TMEM132D: variants seen among roughly 807,000 people sequenced by gnomAD.
The protein encoded by TMEM132D is mature OL transmembrane protein.
TMEM132D carries 21 observed loss-of-function variants against 62.3 expected under a neutral mutation model. The observed-to-expected ratio is 0.34, with a 90% CI of 0.24 to 0.49. The LOEUF is 0.49. Ranked by LOEUF, TMEM132D falls within the 20% of genes least tolerant of loss-of-function variation. The pLI is 0.99. For missense variants in TMEM132D, 1,346 were observed against 1,402.8 expected, an observed-to-expected ratio of 0.96 and a Z score of 0.65; for synonymous variants, 621 against 575.6, an observed-to-expected ratio of 1.08 and a Z score of -1.13.
At chr12:129,663,068 T>G (rs1057241029) in intron 2 of TMEM132D, among the ~76,000 whole-genome samples, 2 of 152,018 alleles carry the variant, frequency 1.3e-5, no homozygotes, top group African/African-American at 2.4e-5. Context: ...TCTTTATACC[T>G]AGTCAATAGG....
intron 1 of TMEM132D, among the ~76,000 whole-genome samples, chr12:129,874,700 CTTTTTT>C (rs71085583): frequency 2.5e-5 from 3 of 117,908 alleles, no homozygotes; most frequent in East Asian, 5.1e-4. Flanking sequence ...TCACATTTTT[CTTTTTT>C]TTTTTTTTTT....
chr12:129,871,455 C>A (rs1874239716), intron 1 of TMEM132D, among the ~76,000 whole-genome samples: 2 of 152,006 alleles, frequency 1.3e-5, no homozygotes, highest in African/African-American at 4.8e-5. Context: ...GTACCTCAGC[C>A]TTGTAGTTAA....
chr12:129,256,377 G>A lies in TMEM132D; in HGVS notation c.1300-46714C>T, dbSNP rs77784226. The stretch of plus-strand genomic sequence containing the variant: ...GTTGTGTTGTCTAGGTAAGGTTGCC[G>A]TGTGACATAGCTGTAGCTAATTCTG... On this transcript the variant is annotated intron_variant, in intron 4 of 8. Coordinates refer to ENST00000422113, the MANE Select transcript of TMEM132D (RefSeq NM_133448.3). Among the ~76,000 whole-genome samples, 1,489 of 152,190 alleles carry A rather than the reference G, an allele frequency of 9.8e-3. 20 individuals carry two copies. Among genetic ancestry groups the A allele is most frequent in the African/African-American group, 0.034 (1,411 of 41,516 alleles).
chr12:129,219,514 C>T (rs1879297329), intron 4 of TMEM132D, among the ~76,000 whole-genome samples: 1 of 152,176 alleles, frequency 6.6e-6, no homozygotes, highest in African/African-American at 2.4e-5. Flanking sequence ...TATAAGGGCA[C>T]CGGAGACAGC....
chr12:129,107,279 TC>T (rs1330160416), intron 5 of TMEM132D, among the ~76,000 whole-genome samples: 1 of 152,146 alleles, frequency 6.6e-6, no homozygotes, highest in African/African-American at 2.4e-5. Context: ...GTTTTAAAGC[TC>T]CCCTTTTAGA....
Position 129,371,253 on chromosome 12 carries a change from GTGA to G in TMEM132D, c.1116-33439_1116-33437del, listed in dbSNP as rs978614919. Among the ~76,000 whole-genome samples the G allele has an allele frequency of 1.2e-4, 18 of 152,042 alleles. No homozygotes were observed. The highest frequency in any genetic ancestry group is 3.3e-4 in the Admixed American group (5 of 15,264). On this transcript the variant is annotated intron_variant, in intron 3 of 8. Coordinates refer to ENST00000422113, the MANE Select transcript of TMEM132D (RefSeq NM_133448.3). This position sits in a 1 kb window ranked among gnomAD's most constrained non-coding sequence, Gnocchi z 4.3. The stretch of plus-strand genomic sequence containing the variant: ...TGTTACTGTGGTGATGATGGTGGCA[GTGA>G]TGATGATGATGAAGGTGGTGTTGGT...
chr12:129,739,708 C>G (rs1035222126), intron 1 of TMEM132D, among the ~76,000 whole-genome samples: 13 of 152,254 alleles, frequency 8.5e-5, no homozygotes, highest in African/African-American at 2.4e-4. Context: ...CCATGGACTG[C>G]ACCAACTGGG....
At chr12:129,284,476 C>T (rs1157058862) in intron 4 of TMEM132D, among the ~76,000 whole-genome samples, 1 of 152,232 alleles carries the variant, frequency 6.6e-6, no homozygotes, top group African/African-American at 2.4e-5. Flanking sequence ...TCTTTGACCA[C>T]AAAACCATGA....
chr12:129,523,174 G>A (rs993434091), intron 3 of TMEM132D, among the ~76,000 whole-genome samples: 13 of 152,266 alleles, frequency 8.5e-5, no homozygotes, highest in African/African-American at 3.1e-4. Flanking sequence ...TGTACATGAA[G>A]ACAGATAGTA....
At chr12:129,080,534 G>C (rs1874414505) in intron 7 of TMEM132D, among the ~76,000 whole-genome samples, 1 of 152,186 alleles carries the variant, frequency 6.6e-6, no homozygotes, top group South Asian at 2.1e-4. Flanking sequence ...TTCCAGAATG[G>C]ATATGTTTTA....
chr12:129,681,153 G>A (rs1880768108), intron 2 of TMEM132D, among the ~76,000 whole-genome samples: 1 of 152,174 alleles, frequency 6.6e-6, no homozygotes, highest in Non-Finnish European at 1.5e-5. Context: ...ACCACCAGCT[G>A]GTGTATCTAC....
At chr12:129,597,266 G>A (rs1878363653) in intron 2 of TMEM132D, among the ~76,000 whole-genome samples, 1 of 152,128 alleles carries the variant, frequency 6.6e-6, no homozygotes, top group South Asian at 2.1e-4. Flanking sequence ...ATCTCAGTGG[G>A]AGAGGTACTT....
At chr12:129,683,895 G>T (rs915060590) in intron 2 of TMEM132D, among the ~76,000 whole-genome samples, 4 of 152,160 alleles carry the variant, frequency 2.6e-5, no homozygotes, top group Non-Finnish European at 4.4e-5. Context: ...GGAACCAAGG[G>T]CCTTTTCCCC....
At chr12:129,892,499 C>G (rs1454205438) in intron 1 of TMEM132D, among the ~76,000 whole-genome samples, 3 of 151,964 alleles carry the variant, frequency 2.0e-5, no homozygotes, top group African/African-American at 7.3e-5. Flanking sequence ...CTTCTTCTTT[C>G]TCTCCTCCCC....
At chr12:129,178,927 G>A (rs1038511898) in intron 5 of TMEM132D, among the ~76,000 whole-genome samples, 24 of 152,154 alleles carry the variant, frequency 1.6e-4, no homozygotes, top group African/African-American at 1.9e-4. Context: ...CTTGTGCAGC[G>A]GGGCTTTTGC....
At chr12:129,191,921 A>G (rs1459398030) in intron 5 of TMEM132D, among the ~76,000 whole-genome samples, 1 of 152,226 alleles carries the variant, frequency 6.6e-6, no homozygotes, top group Non-Finnish European at 1.5e-5. Context: ...AACACTTGTT[A>G]AATTATTTAT....
chr12:129,795,109 T>A (rs1230779778), intron 1 of TMEM132D, among the ~76,000 whole-genome samples: 1 of 152,216 alleles, frequency 6.6e-6, no homozygotes, highest in East Asian at 1.9e-4. Context: ...ACTAAAAACC[T>A]CCTTACATTA....
At chr12:129,653,906 T>C (rs1400801556) in intron 2 of TMEM132D, among the ~76,000 whole-genome samples, 1 of 152,216 alleles carries the variant, frequency 6.6e-6, no homozygotes, top group Non-Finnish European at 1.5e-5. Context: ...AATATTCTTT[T>C]TCTGTCCCAG....
chr12:129,230,311 G>T (rs1168515213), intron 4 of TMEM132D, among the ~76,000 whole-genome samples: 1 of 149,530 alleles, frequency 6.7e-6, no homozygotes, highest in Non-Finnish European at 1.5e-5. Flanking sequence ...TGTTGGAGGG[G>T]GGGGGCTCCC....
Sources: allele counts gnomAD v4.1 joint callset (sites outside exome capture counted in the v4.1 genomes callset), GRCh38; gene constraint gnomAD v4.1.1; non-coding constraint Gnocchi (gnomAD v3.1); transcripts MANE v1.5; gene names NCBI Gene and HGNC (gene_info 2026-07-23, HGNC 2026-07-21).